IL6R: variants seen among roughly 807,000 people sequenced by gnomAD.
The protein encoded by IL6R is interleukin 6 receptor, also known as interleukin-6 receptor subunit alpha.
A neutral mutation model predicts 48.3 loss-of-function variants in IL6R; 38 were observed. That is an observed-to-expected ratio of 0.79 (90% CI 0.61 to 1.03). The LOEUF is 1.03. Among genes scored for constraint, IL6R ranks in the 50% least tolerant of loss-of-function variants. The pLI is 0.00. For missense variants in IL6R, 534 were observed against 618.3 expected (o/e 0.86, Z 1.45); for synonymous variants, 264 against 256.2 (o/e 1.03, Z -0.29).
At chr1:154,464,408 G>A (rs1323091572) in intron 9 of IL6R, among the ~76,000 whole-genome samples, 7 of 152,062 alleles carry the variant, frequency 4.6e-5, no homozygotes, top group Admixed American at 4.6e-4. Flanking sequence ...GCCCGCCTCG[G>A]CCTCCCAATG....
At chr1:154,433,279 T>A (rs1570959371) in intron 3 of IL6R, among the ~76,000 whole-genome samples, 1 of 151,900 alleles carries the variant, frequency 6.6e-6, no homozygotes, top group African/African-American at 2.4e-5. Flanking sequence ...AGCTGGAGGG[T>A]GAGTGGTTGA....
At chr1:154,410,637 C>A (rs963070918) in intron 1 of IL6R, among the ~76,000 whole-genome samples, 6 of 152,204 alleles carry the variant, frequency 3.9e-5, no homozygotes, top group African/African-American at 1.4e-4. Flanking sequence ...CTGGCAAAGG[C>A]AGAGGCTTTT....
intron 1 of IL6R, among the ~76,000 whole-genome samples, chr1:154,418,775 A>G (rs1688494713): frequency 6.6e-6 from 1 of 151,988 alleles, no homozygotes; most frequent in Non-Finnish European, 1.5e-5. Context: ...AACTCATCCT[A>G]TACACGCTGC....
At chr1:154,418,932 C>A (rs965409015) in intron 1 of IL6R, among the ~76,000 whole-genome samples, 1 of 152,054 alleles carries the variant, frequency 6.6e-6, no homozygotes, top group African/African-American at 2.4e-5. Flanking sequence ...TTCCCTGGGC[C>A]TCTGAAGGGT....
chr1:154,434,534 C>T lies in IL6R; in HGVS notation c.474C>T (p.Ala158=), dbSNP rs772004489. Reference sequence around the variant, plus strand: ...TGTCTAACAGTCAGAACAGTCCGGCCGAAGACTTCCAGGAGCCGTGCCAGT... The same window carrying T: ...TGTCTAACAGTCAGAACAGTCCGGCTGAAGACTTCCAGGAGCCGTGCCAGT... ...LLVRKFQNSP[A]EDFQEPCQYS... is the part of the protein sequence containing the mutation. Residue 158 remains alanine, a synonymous_variant, in exon 4 of 10, where the codon GCC becomes GCT. Coordinates refer to ENST00000368485, the MANE Select transcript of IL6R (RefSeq NM_000565.4). 1.1e-5 allele frequency: 18 copies of T among 1,613,436 alleles called. No individual in the cohort carries two copies. In the East Asian group the frequency reaches 2.0e-4, roughly 18 times the overall value.
intron 1 of IL6R, chr1:154,414,807 C>T (rs1688238245): frequency 1.3e-6 from 1 of 756,740 alleles, no homozygotes; most frequent in Non-Finnish European, 2.4e-6. Context: ...CAGCCACCCG[C>T]TTCTGGGACA....
intron 6 of IL6R, among the ~76,000 whole-genome samples, chr1:154,445,622 C>T (rs113617296): frequency 0.044 from 6,683 of 151,832 alleles, 386 homozygotes; most frequent in African/African-American, 0.13. Context: ...TGGTGGTGGG[C>T]GCCTGTAGTC....
At chr1:154,459,512 G>C (rs771796968) in intron 9 of IL6R, among the ~76,000 whole-genome samples, 1 of 152,144 alleles carries the variant, frequency 6.6e-6, no homozygotes, top group Non-Finnish European at 1.5e-5. Context: ...GTTACCATGG[G>C]ATGGCCACAT....
Position 154,423,073 on chromosome 1 carries a change from G to A in IL6R, c.86-6123G>A, listed in dbSNP as rs145043420. 2.3e-3 allele frequency among the ~76,000 whole-genome samples: 350 copies of A among 151,922 alleles called. 4 individuals carry two copies. Among genetic ancestry groups the A allele is most frequent in the Non-Finnish European group, 2.7e-3 (186 of 67,956 alleles). On this transcript the variant is annotated intron_variant, in intron 1 of 9. Coordinates refer to ENST00000368485, the MANE Select transcript of IL6R (RefSeq NM_000565.4). The stretch of plus-strand genomic sequence containing the variant: ...CAGAATTCAGTGACAGTGACAGTGA[G>A]AGAACTCAGCAGTGCAAGGGCAAAG...
intron 4 of IL6R, 104 bp from the exon 5 acceptor site, chr1:154,434,886 T>C: frequency 7.7e-7 from 1 of 1,297,446 alleles, no homozygotes; most frequent in Non-Finnish European, 1.1e-6. Context: ...GCATGGGGAG[T>C]GAACGGGGCT....
chr1:154,408,514 C>T (rs1454311741), intron 1 of IL6R, among the ~76,000 whole-genome samples: 4 of 152,096 alleles, frequency 2.6e-5, no homozygotes, highest in African/African-American at 7.2e-5. Flanking sequence ...GATTGTCTGG[C>T]TTGGGGTAGG....
intron 1 of IL6R, among the ~76,000 whole-genome samples, chr1:154,421,859 G>C (rs928259610): frequency 1.3e-5 from 2 of 152,158 alleles, no homozygotes; most frequent in Non-Finnish European, 2.9e-5. Context: ...GGGCACAAAC[G>C]ATCCTCCCAT....
chr1:154,416,684 T>C lies in IL6R; in HGVS notation c.85+10970T>C, dbSNP rs1688374310. 3.3e-5 allele frequency among the ~76,000 whole-genome samples: 5 copies of C among 151,942 alleles called. No individual in the cohort carries two copies. In the South Asian group the frequency reaches 8.3e-4, roughly 25 times the overall value. ...GCGTGCATGTGTCTACCCAAGCTCA[T>C]GGCACATGGGGGAGCGGAGGGGGTG... On this transcript the variant is annotated intron_variant, in intron 1 of 9. Coordinates refer to ENST00000368485, the MANE Select transcript of IL6R (RefSeq NM_000565.4).
chr1:154,447,454 A>AATATAT (rs1299735875), intron 6 of IL6R, among the ~76,000 whole-genome samples: 3 of 70,100 alleles, frequency 4.3e-5, no homozygotes, highest in African/African-American at 2.4e-4. Flanking sequence ...AAAAAAAAAA[A>AATATAT]ATATATATAT....
At chr1:154,446,487 T>C (rs1426896917) in intron 6 of IL6R, among the ~76,000 whole-genome samples, 2 of 152,222 alleles carry the variant, frequency 1.3e-5, no homozygotes, top group Non-Finnish European at 2.9e-5. Context: ...GTTTAAACCA[T>C]TCTGTGGAAT....
chr1:154,469,439 T>C lies in IL6R; in HGVS notation c.*4059T>C, dbSNP rs1347916981. 1 of 152,100 alleles carries C rather than the reference T, an allele frequency of 6.6e-6. No individual in the cohort carries two copies. Among genetic ancestry groups the C allele is most frequent in the Non-Finnish European group, 1.5e-5 (1 of 68,034 alleles). The allele number at this position is 152,100 out of a possible 1,614,324, so 9.4% of individuals were successfully genotyped here. A position where few individuals can be genotyped will look rare whatever the true frequency, so the allele number is the denominator to read the frequency against. On this transcript the variant is annotated 3_prime_UTR_variant, in exon 10 of 10. Transcript: ENST00000368485. The stretch of plus-strand genomic sequence containing the variant: ...TGAACATTGTGTTTGGAATAAATAC[T>C]CTTAAAAAATACCCTTGAAATGTAA...
intron 1 of IL6R, among the ~76,000 whole-genome samples, chr1:154,428,786 T>C (rs1570949772): frequency 1.3e-5 from 2 of 151,812 alleles, no homozygotes; most frequent in African/African-American, 4.8e-5. Flanking sequence ...GTCGTGGGGA[T>C]GATGTAGGAA....
intron 1 of IL6R, among the ~76,000 whole-genome samples, chr1:154,408,359 G>A (rs552836167): frequency 4.6e-5 from 7 of 152,258 alleles, no homozygotes; most frequent in African/African-American, 1.4e-4. Flanking sequence ...TCTTGAGTCG[G>A]TGTAGAGCCT....
chr1:154,435,605 T>G (rs1689576396), intron 5 of IL6R, among the ~76,000 whole-genome samples: 1 of 152,222 alleles, frequency 6.6e-6, no homozygotes, highest in Admixed American at 6.5e-5. Flanking sequence ...GATAAATGTT[T>G]TAAGCTTTCT....
Sources: gnomAD v4.1 joint callset for allele counts (sites outside exome capture counted in the v4.1 genomes callset) on GRCh38, gnomAD v4.1.1 for gene constraint, MANE v1.5 for transcripts, NCBI Gene and HGNC (gene_info 2026-07-23, HGNC 2026-07-21) for gene names.